The following SDK1 variants were observed in gnomAD, a reference collection of about 807,000 sequenced individuals.
SDK1 encodes the protein protein sidekick-1.
In SDK1, 157 loss-of-function variants were observed where a neutral mutation model predicts 245.5. The ratio of observed to expected loss-of-function variants is 0.64; its 90% CI spans 0.56 to 0.73. The LOEUF is 0.73. Among genes scored for constraint, SDK1 ranks in the 30% least tolerant of loss-of-function variants. The pLI is 0.00. For synonymous variants in SDK1, 1,647 were observed against 1,278.5 expected (o/e 1.29, Z -6.15); for missense variants, 3,583 against 3,002.3 (o/e 1.19, Z -4.52).
rs185426442 is a variant in SDK1 at position 4,246,568 on chromosome 7, C to A, written c.6381+763C>A. On this transcript the variant is annotated intron_variant, in intron 44 of 44. Transcript: ENST00000404826. ...AGCTTCCTGCTCACCCCTGGACATT[C>A]GTTTCCCCCTACACCCTGCCAGCCT... Among the ~76,000 whole-genome samples, 482 of 152,242 alleles carry A rather than the reference C, an allele frequency of 3.2e-3. 3 individuals carry two copies. The highest frequency in any genetic ancestry group is 0.011 in the African/African-American group (473 of 41,558).
intron 4 of SDK1, among the ~76,000 whole-genome samples, chr7:3,681,227 T>A (rs189866633): frequency 6.6e-6 from 1 of 152,190 alleles, no homozygotes; most frequent in Non-Finnish European, 1.5e-5. Flanking sequence ...GTAAATGAAA[T>A]CTGACTGTGT....
intron 1 of SDK1, among the ~76,000 whole-genome samples, chr7:3,423,348 C>G (rs544864846): frequency 1.3e-5 from 2 of 152,146 alleles, no homozygotes; most frequent in African/African-American, 4.8e-5. Context: ...TTGTATGATT[C>G]CTGTCAAAAG....
rs190296316 is a variant in SDK1, at chr7:3,851,042, G to A, written c.847+29459G>A. Among the ~76,000 whole-genome samples, 39 of 152,004 alleles carry A rather than the reference G, an allele frequency of 2.6e-4. No homozygotes were observed. The East Asian group carries it at 7.2e-3, about 28-fold the overall frequency. ...AGAAGACACCTTTTATTATTTCTAA[G>A]CATCCTCTGAGTTCTTGACCAAACC... On this transcript the variant is annotated intron_variant, in intron 5 of 44. Coordinates refer to ENST00000404826, the MANE Select transcript of SDK1 (RefSeq NM_152744.4).
chr7:3,571,339 G>A (rs1780108236), intron 1 of SDK1, among the ~76,000 whole-genome samples: 1 of 151,682 alleles, frequency 6.6e-6, no homozygotes, highest in Non-Finnish European at 1.5e-5. Flanking sequence ...ATCTTACATT[G>A]TCACGCACGT....
At chr7:4,103,541 G>T (rs551790366) in intron 22 of SDK1, among the ~76,000 whole-genome samples, 1 of 152,194 alleles carries the variant, frequency 6.6e-6, no homozygotes, top group African/African-American at 2.4e-5. Flanking sequence ...TCCCCTAGAG[G>T]TCGCTAAGTG....
At position 3,720,797 on chromosome 7, in the gene SDK1, G is replaced by T. The variant is rs150836464; in HGVS notation, c.713+78692G>T. Among the ~76,000 whole-genome samples the T allele has an allele frequency of 6.3e-3, 962 of 152,324 alleles. 13 individuals are homozygous for T. The highest frequency in any genetic ancestry group is 0.021 in the African/African-American group (892 of 41,564). On this transcript the variant is annotated intron_variant, in intron 4 of 44. Coordinates refer to ENST00000404826, the MANE Select transcript of SDK1 (RefSeq NM_152744.4). ...CGTTCACACAAAAACCTGTACATGA[G>T]TGTTTCTAGCACCATTGTTTGTAAT...
At chr7:4,169,481 T>A (rs548092133) in intron 32 of SDK1, among the ~76,000 whole-genome samples, 1 of 152,070 alleles carries the variant, frequency 6.6e-6, no homozygotes, top group African/African-American at 2.4e-5. Flanking sequence ...AAAAGCCGCC[T>A]CCTCCTCCAA....
rs1302368497 is a variant in SDK1 at position 3,673,172 on chromosome 7, A to G, written c.713+31067A>G. Among the ~76,000 whole-genome samples, 3 of 152,120 alleles carry G rather than the reference A, an allele frequency of 2.0e-5. No homozygotes were observed. The East Asian group carries it at 5.8e-4, about 29-fold the overall frequency. On this transcript the variant is annotated intron_variant, in intron 4 of 44. Transcript: ENST00000404826. ...CGAAAATGAGTTCCAAAGGGAATTG[A>G]TTTTTATCTGCAATACTCTCATCCT...
At chr7:3,517,515 A>C (rs1479294550) in intron 1 of SDK1, among the ~76,000 whole-genome samples, 1 of 152,150 alleles carries the variant, frequency 6.6e-6, no homozygotes, top group Admixed American at 6.5e-5. Flanking sequence ...TGCTTCCTGC[A>C]GGAATGTATT....
At chr7:3,842,778 C>T (rs560955749) in intron 5 of SDK1, among the ~76,000 whole-genome samples, 71 of 152,198 alleles carry the variant, frequency 4.7e-4, no homozygotes, top group Non-Finnish European at 9.3e-4. Flanking sequence ...ACGGGAATTC[C>T]GCTTCCTGAT....
chr7:3,998,781 C>T (rs149023212), intron 14 of SDK1, among the ~76,000 whole-genome samples: 2 of 152,328 alleles, frequency 1.3e-5, no homozygotes, highest in African/African-American at 4.8e-5. Context: ...TCTTCCGCAT[C>T]GCTCGCTGTC....
intron 4 of SDK1, among the ~76,000 whole-genome samples, chr7:3,715,283 T>C (rs1785167415): frequency 6.6e-6 from 1 of 152,228 alleles, no homozygotes; most frequent in African/African-American, 2.4e-5. Flanking sequence ...TATAAATTCA[T>C]GTATGTATCC....
intron 4 of SDK1, among the ~76,000 whole-genome samples, chr7:3,664,864 C>G (rs1477925338): frequency 1.3e-5 from 2 of 152,092 alleles, no homozygotes; most frequent in African/African-American, 4.8e-5. Flanking sequence ...GAAACATTGC[C>G]TCCAAGAAAC....
At chr7:4,006,930 G>A (rs374615033) in intron 14 of SDK1, among the ~76,000 whole-genome samples, 61 of 152,328 alleles carry the variant, frequency 4.0e-4, no homozygotes, top group African/African-American at 1.3e-3. Context: ...GCGGGAAAGC[G>A]GCGTCTCCAG....
At chr7:3,774,912 G>A (rs948718116) in intron 4 of SDK1, among the ~76,000 whole-genome samples, 5 of 152,160 alleles carry the variant, frequency 3.3e-5, no homozygotes, top group Admixed American at 6.5e-5. Context: ...ATGCATTCCT[G>A]TGAGGGAAGC....
intron 35 of SDK1, among the ~76,000 whole-genome samples, chr7:4,203,755 A>AG (rs1784030975): frequency 2.0e-5 from 3 of 152,236 alleles, no homozygotes; most frequent in Admixed American, 2.0e-4. Context: ...GGAGCAAAAA[A>AG]GAAGTCTCCA....
At chr7:3,505,603 G>A (rs1386003380) in intron 1 of SDK1, among the ~76,000 whole-genome samples, 1 of 152,120 alleles carries the variant, frequency 6.6e-6, no homozygotes, top group Non-Finnish European at 1.5e-5. Context: ...GCTTAAAATA[G>A]TATATAGTTG....
At chr7:4,201,393 A>C (rs1352746987) in intron 35 of SDK1, among the ~76,000 whole-genome samples, 1 of 152,250 alleles carries the variant, frequency 6.6e-6, no homozygotes, top group Non-Finnish European at 1.5e-5. Flanking sequence ...TCCTTAGGAA[A>C]TCAGAAAGAG....
chr7:3,799,263 C>T (rs1044642558), intron 4 of SDK1, among the ~76,000 whole-genome samples: 2 of 152,000 alleles, frequency 1.3e-5, no homozygotes, highest in Admixed American at 1.3e-4. Flanking sequence ...CCAACTGAAT[C>T]TGGAAAGAAA....
Sources: allele counts gnomAD v4.1 joint callset (sites outside exome capture counted in the v4.1 genomes callset), GRCh38; gene constraint gnomAD v4.1.1; transcripts MANE v1.5; gene names NCBI Gene and HGNC (gene_info 2026-07-23, HGNC 2026-07-21).